The following NAV1 variants were observed in gnomAD, a reference collection of about 807,000 sequenced individuals.
NAV1 encodes the protein neuron navigator 1.
NAV1 carries 18 observed loss-of-function variants against 175.2 expected under a neutral mutation model. That is an observed-to-expected ratio of 0.10 (90% CI 0.07 to 0.15). The LOEUF (loss-of-function observed/expected upper bound fraction) is 0.15. Among genes scored for constraint, NAV1 ranks in the 10% least tolerant of loss-of-function variants. The pLI, the probability that NAV1 is intolerant of heterozygous loss-of-function variation, is 1.00. For missense variants in NAV1, 1,731 were observed against 2,436.6 expected (o/e 0.71, Z 6.10); for synonymous variants, 897 against 978.7 (o/e 0.92, Z 1.56).
At chr1:201,552,186 G>T (rs930261135) in intron 1 of NAV1, among the ~76,000 whole-genome samples, 1 of 152,218 alleles carries the variant, frequency 6.6e-6, no homozygotes, top group African/African-American at 2.4e-5. Flanking sequence ...GGCCGAGTCA[G>T]GGCTGGCATG....
chr1:201,713,661 A>G (rs972529190), intron 2 of NAV1, among the ~76,000 whole-genome samples: 1 of 152,216 alleles, frequency 6.6e-6, no homozygotes, highest in Non-Finnish European at 1.5e-5. Flanking sequence ...GGCTGGGCTA[A>G]GCTCTGGGGA....
At chr1:201,820,330 T>C (rs1051377551) in exon 30 of NAV1, 1 of 156,556 alleles carries the variant, frequency 6.4e-6, no homozygotes, top group African/African-American at 2.4e-5. Flanking sequence ...AGAGACAGTC[T>C]TGTGAGGGAG....
chr1:201,605,197 T>C (rs902573596), intron 2 of NAV1, among the ~76,000 whole-genome samples: 2 of 150,754 alleles, frequency 1.3e-5, no homozygotes, highest in Non-Finnish European at 3.0e-5. Flanking sequence ...GTGTTGCCCC[T>C]AGGGTGTTTC....
intron 7 of NAV1, 121 bp downstream of exon 11, chr1:201,783,973 TTAAG>T (rs754784208): frequency 1.2e-6 from 1 of 855,016 alleles, no homozygotes; most frequent in Non-Finnish European, 1.8e-6. Context: ...TTCACATATA[TTAAG>T]TAATTTAATT....
At chr1:201,634,608 G>A (rs1668564398) in intron 2 of NAV1, among the ~76,000 whole-genome samples, 2 of 152,218 alleles carry the variant, frequency 1.3e-5, no homozygotes, top group African/African-American at 2.4e-5. Context: ...GAAACTGTAG[G>A]AGTCTGGATG....
At chr1:201,719,879 C>G (rs540241780) in intron 3 of NAV1, among the ~76,000 whole-genome samples, 2 of 152,128 alleles carry the variant, frequency 1.3e-5, no homozygotes, top group Non-Finnish European at 2.9e-5. Context: ...TCGGAAAAGA[C>G]GAGAGCCAAG....
chr1:201,652,731 G>C (rs1206208538), intron 1 of NAV1, among the ~76,000 whole-genome samples: 1 of 152,172 alleles, frequency 6.6e-6, no homozygotes, highest in Admixed American at 6.5e-5. Context: ...TGTAGATTAA[G>C]GTGATCAGAC....
At chr1:201,632,696 C>T (rs1464050035) in intron 2 of NAV1, among the ~76,000 whole-genome samples, 2 of 152,192 alleles carry the variant, frequency 1.3e-5, no homozygotes, top group East Asian at 1.9e-4. Flanking sequence ...CATCATAGTA[C>T]GTGTTATCAG....
At chr1:201,599,668 A>C (rs573508466) in intron 2 of NAV1, among the ~76,000 whole-genome samples, 10 of 152,204 alleles carry the variant, frequency 6.6e-5, no homozygotes, top group Non-Finnish European at 1.3e-4. Flanking sequence ...TCTTACTAGG[A>C]GGGGGAACCA....
In NAV1 at chr1:201,702,164, T is replaced by C. The variant is rs577406448; in HGVS notation, c.758-10653T>C. Among the ~76,000 whole-genome samples, 4 of 152,238 alleles carry C rather than the reference T, an allele frequency of 2.6e-5. No homozygotes were observed. In the South Asian group the frequency reaches 8.3e-4, roughly 32 times the overall value. On this transcript the variant is annotated intron_variant, in intron 1 of 29. Transcript: ENST00000367296. Reference sequence around the variant, plus strand: ...ATTGCATGATTACATTTCTATGAAATGTCTAGAATAGGCAAACTCACAGAG... The same window carrying C: ...ATTGCATGATTACATTTCTATGAAACGTCTAGAATAGGCAAACTCACAGAG...
chr1:201,629,617 G>A (rs967515437), intron 2 of NAV1, 110 bp downstream of exon 4: 3 of 612,964 alleles, frequency 4.9e-6, no homozygotes, highest in Non-Finnish European at 7.4e-6. Context: ...TCTTGACAAG[G>A]AGACATCAAC....
chr1:201,802,473 A>AAAAAG (rs1677988292), intron 15 of NAV1, among the ~76,000 whole-genome samples: 2 of 113,084 alleles, frequency 1.8e-5, no homozygotes. Flanking sequence ...AAAAAAAAAA[A>AAAAAG]AAAGAAAGAA....
chr1:201,619,803 C>T (rs943660320), upstream of NAV1, among the ~76,000 whole-genome samples: 7 of 152,236 alleles, frequency 4.6e-5, no homozygotes, highest in Non-Finnish European at 1.0e-4. Flanking sequence ...TGTGGCCCTC[C>T]AGGCCTAGAC....
intron 3 of NAV1, among the ~76,000 whole-genome samples, chr1:201,764,946 T>C (rs1675106194): frequency 6.6e-6 from 1 of 152,250 alleles, no homozygotes; most frequent in African/African-American, 2.4e-5. Flanking sequence ...TGCCTAGGTC[T>C]GGACCTATGG....
intron 1 of NAV1, among the ~76,000 whole-genome samples, chr1:201,657,777 A>T (rs1464383368): frequency 6.6e-6 from 1 of 152,180 alleles, no homozygotes; most frequent in Admixed American, 6.5e-5. Flanking sequence ...CACACCTGTA[A>T]TCCCAGCACT....
rs1245542833 is a variant in NAV1 at position 201,787,258 on chromosome 1, TA to T, written c.2995+682del. Among the ~76,000 whole-genome samples, 1 of 152,258 alleles carries T rather than the reference TA, an allele frequency of 6.6e-6. No individual in the cohort carries two copies. The highest frequency in any genetic ancestry group is 1.5e-5 in the Non-Finnish European group (1 of 68,042). On this transcript the variant is annotated intron_variant, in intron 9 of 29. Transcript: ENST00000367296. The surrounding 1 kb of genome is among the most constrained non-coding windows in gnomAD (Gnocchi z 4.3). The stretch of plus-strand genomic sequence containing the variant: ...GTGAAGCAGTACGCCATGATTGGCC[TA>T]CTAGGAATCCATTCAGGAATAGTGC...
At chr1:201,774,270 CCTGTCCTCTTTA>C (rs1319361761) in intron 3 of NAV1, among the ~76,000 whole-genome samples, 1 of 152,162 alleles carries the variant, frequency 6.6e-6, no homozygotes, top group Non-Finnish European at 1.5e-5. Context: ...AACTCTGAGC[CCTGTCCTCTTTA>C]CTTTATTCTT....
intron 3 of NAV1, among the ~76,000 whole-genome samples, chr1:201,760,761 A>C (rs892329767): frequency 3.3e-5 from 5 of 152,176 alleles, no homozygotes; most frequent in Non-Finnish European, 7.3e-5. Context: ...TGTGCATTAC[A>C]AAGGGTCATT....
chr1:201,801,426 T>A (rs1677860070), intron 15 of NAV1, among the ~76,000 whole-genome samples: 1 of 152,234 alleles, frequency 6.6e-6, no homozygotes, highest in Non-Finnish European at 1.5e-5. Flanking sequence ...CTCCCCTTCC[T>A]CTAGTTTAGT....
Sources: gnomAD v4.1 joint callset for allele counts (sites outside exome capture counted in the v4.1 genomes callset) on GRCh38, gnomAD v4.1.1 for gene constraint, Gnocchi (gnomAD v3.1) non-coding constraint, MANE v1.5 for transcripts, NCBI Gene and HGNC (gene_info 2026-07-23, HGNC 2026-07-21) for gene names.